The following MARCHF7 variants were observed in gnomAD, a reference collection of about 807,000 sequenced individuals.
MARCHF7 encodes the protein membrane associated ring-CH-type finger 7, also known as E3 ubiquitin-protein ligase MARCHF7.
Under a neutral mutation model 76.5 loss-of-function variants are expected in MARCHF7, and 20 were observed. The observed-to-expected ratio is 0.26, with a 90% CI of 0.18 to 0.38. The LOEUF (loss-of-function observed/expected upper bound fraction) is 0.38. Among genes scored for constraint, MARCHF7 ranks in the 10% least tolerant of loss-of-function variants. The probability of loss-of-function intolerance (pLI) is 1.00; values close to 1 mark genes in which losing one functional copy is unlikely to be tolerated. For missense variants in MARCHF7, 797 were observed against 812.9 expected, an observed-to-expected ratio of 0.98 and a Z score of 0.24; for synonymous variants, 295 against 293.0, an observed-to-expected ratio of 1.01 and a Z score of -0.07.
chr2:159,723,112 A>C (rs974348534), intron 3 of MARCHF7, among the ~76,000 whole-genome samples: 1 of 152,216 alleles, frequency 6.6e-6, no homozygotes, highest in Non-Finnish European at 1.5e-5. Flanking sequence ...ATAAAATACC[A>C]CATCTGCTAC....
chr2:159,743,083 C>A lies in MARCHF7; in HGVS notation c.176C>A (p.Ala59Glu). 6.2e-7 allele frequency: 1 copy of A among 1,613,602 alleles called. No homozygotes were observed. The highest frequency in any genetic ancestry group is 1.1e-5 in the South Asian group (1 of 90,966). ...EYQSTSASAS[A>E]SPFQSAWYSE... ...CAGTCTACATCAGCATCAGCATCTG[C>A]GTCACCATTTCAATCTGCATGGTAT... is the stretch of plus-strand genomic sequence containing the variant. The change falls in exon 5 of 12, where the codon GCG (alanine) becomes GAG (glutamate). Residue 59 changes from alanine (A) to glutamate (E), a missense_variant. Physicochemically the swap from Ala to Glu is moderately radical, Grantham distance 107 (BLOSUM62 -1). Transcript: ENST00000409175.
chr2:159,733,724 G>A, intron 4 of MARCHF7: 1 of 985,360 alleles, frequency 1.0e-6, no homozygotes, highest in Non-Finnish European at 1.2e-6. Flanking sequence ...ACCTTATATA[G>A]TGCTTGACAT....
Position 159,763,413 on chromosome 2 carries a change from A to G in MARCHF7, c.2007+420A>G, listed in dbSNP as rs532497962. On this transcript the variant is annotated intron_variant, in intron 10 of 11. Transcript: ENST00000409175. ...CTGTTCTACAAAAGATTACCAGTGT[A>G]CTAATTTTTAAGTGTCCATATTACA... Among the ~76,000 whole-genome samples the G allele has an allele frequency of 3.3e-5, 5 of 152,342 alleles. No homozygotes were observed. The South Asian group carries it at 1.0e-3, about 32-fold the overall frequency.
intron 4 of MARCHF7, chr2:159,733,791 A>G (rs1428920494): frequency 3.0e-6 from 3 of 985,428 alleles, no homozygotes; most frequent in Non-Finnish European, 2.4e-6. Context: ...GTGTCAGTTC[A>G]TCGATAAGGT....
chr2:159,722,834 A>AT (rs1701780014), intron 3 of MARCHF7, among the ~76,000 whole-genome samples: 2 of 152,228 alleles, frequency 1.3e-5, no homozygotes, highest in African/African-American at 4.8e-5. Context: ...GTTCCATACA[A>AT]TATCAAATTA....
chr2:159,753,500 G>A (rs367857007), intron 8 of MARCHF7, among the ~76,000 whole-genome samples: 3 of 151,656 alleles, frequency 2.0e-5, no homozygotes, highest in African/African-American at 4.8e-5. Flanking sequence ...GCAGTGAGCC[G>A]AGATTGCGCC....
At chr2:159,722,588 T>C (rs2125329171) in intron 3 of MARCHF7, among the ~76,000 whole-genome samples, 1 of 152,362 alleles carries the variant, frequency 6.6e-6, no homozygotes, top group East Asian at 1.9e-4. Flanking sequence ...TTAATTACTG[T>C]GCTTAGTGCA....
At chr2:159,719,771 T>C (rs1423443865) in intron 3 of MARCHF7, among the ~76,000 whole-genome samples, 2 of 152,230 alleles carry the variant, frequency 1.3e-5, no homozygotes, top group African/African-American at 2.4e-5. Context: ...TGCATTTTTG[T>C]GTATCATACA....
chr2:159,712,668 A>G (rs1700305515), intron 1 of MARCHF7, 62 bp downstream of exon 1: 1 of 152,252 alleles, frequency 6.6e-6, no homozygotes, highest in Non-Finnish European at 1.5e-5. Context: ...CGGGGTAATG[A>G]GCTGCGGAGC....
chr2:159,735,365 TGAC>T (rs1344343296), intron 4 of MARCHF7, among the ~76,000 whole-genome samples: 9 of 152,352 alleles, frequency 5.9e-5, no homozygotes, highest in Admixed American at 2.0e-4. Context: ...TTTTAAGAAA[TGAC>T]TTTATTAAGT....
chr2:159,734,362 A>G (rs1329637064), intron 4 of MARCHF7, among the ~76,000 whole-genome samples: 4 of 151,594 alleles, frequency 2.6e-5, no homozygotes, highest in African/African-American at 9.7e-5. Flanking sequence ...TATAGAGATC[A>G]GTACCATTGC....
intron 5 of MARCHF7, among the ~76,000 whole-genome samples, chr2:159,743,737 CAA>C (rs34531157): frequency 8.5e-4 from 109 of 128,396 alleles, no homozygotes; most frequent in Non-Finnish European, 8.6e-4. Context: ...CTGTTTCTAC[CAA>C]AAAAAAAAAA....
intron 1 of MARCHF7, among the ~76,000 whole-genome samples, chr2:159,713,368 T>C (rs904190364): frequency 6.6e-6 from 1 of 152,168 alleles, no homozygotes; most frequent in African/African-American, 2.4e-5. Context: ...CTTAATACTT[T>C]TTCTCAAGTA....
chr2:159,743,093 T>A lies in MARCHF7; in HGVS notation c.186T>A (p.Phe62Leu). Residue 62 changes from phenylalanine (F) to leucine (L), a missense_variant, in exon 5 of 12, where the codon TTT becomes TTA. Transcript: ENST00000409175. ...CAGCATCAGCATCTGCGTCACCATT[T>A]CAATCTGCATGGTATAGTGAATCTG... ...STSASASASPFQSAWYSESEI... is the reference protein window; with the variant it reads ...STSASASASPLQSAWYSESEI... 1 of 1,613,888 alleles carries A rather than the reference T, an allele frequency of 6.2e-7. No homozygotes were observed. The highest frequency in any genetic ancestry group is 8.5e-7 in the Non-Finnish European group (1 of 1,179,944).
intron 3 of MARCHF7, among the ~76,000 whole-genome samples, chr2:159,725,690 A>C (rs1702085484): frequency 6.6e-6 from 1 of 152,194 alleles, no homozygotes; most frequent in Non-Finnish European, 1.5e-5. Flanking sequence ...CTCTCCCTGC[A>C]ACATCTTAAA....
At chr2:159,719,132 C>T (rs1047293120) in intron 3 of MARCHF7, among the ~76,000 whole-genome samples, 6 of 152,138 alleles carry the variant, frequency 3.9e-5, no homozygotes, top group Admixed American at 2.0e-4. Context: ...GCACCACTAC[C>T]GCCCGGCTAA....
At chr2:159,738,817 G>C (rs1703774785) in intron 4 of MARCHF7, among the ~76,000 whole-genome samples, 1 of 152,218 alleles carries the variant, frequency 6.6e-6, no homozygotes, top group Non-Finnish European at 1.5e-5. Context: ...CAGGCTTAAA[G>C]GTAGGGTTTC....
chr2:159,741,392 AC>A (rs1327621732), intron 4 of MARCHF7, among the ~76,000 whole-genome samples: 1 of 152,156 alleles, frequency 6.6e-6, no homozygotes, highest in Non-Finnish European at 1.5e-5. Flanking sequence ...AATGGTTTAT[AC>A]GTCTTTTTGT....
chr2:159,749,098 C>T (rs1705284281), intron 7 of MARCHF7, among the ~76,000 whole-genome samples, 195 bp downstream of exon 7: 1 of 150,800 alleles, frequency 6.6e-6, no homozygotes, highest in Non-Finnish European at 1.5e-5. Context: ...CCTGTTTCAG[C>T]CTCCCGAGTA....
Sources: gnomAD v4.1 joint callset for allele counts (sites outside exome capture counted in the v4.1 genomes callset) on GRCh38, gnomAD v4.1.1 for gene constraint, MANE v1.5 for transcripts, NCBI Gene and HGNC (gene_info 2026-07-23, HGNC 2026-07-21) for gene names.